The following PGS1 variants were observed in gnomAD, a reference collection of about 807,000 sequenced individuals.
The protein encoded by PGS1 is CDP-diacylglycerol--glycerol-3-phosphate 3-phosphatidyltransferase, mitochondrial.
Under a neutral mutation model 58.3 loss-of-function variants are expected in PGS1, and 44 were observed. That is an observed-to-expected ratio of 0.75 (90% CI 0.59 to 0.97). The LOEUF is 0.97. Among genes scored for constraint, PGS1 ranks in the 50% least tolerant of loss-of-function variants. The pLI, the probability that PGS1 is intolerant of heterozygous loss-of-function variation, is 0.00. For missense variants in PGS1, 684 were observed against 731.1 expected (o/e 0.94, Z 0.74); for synonymous variants, 330 against 311.0 (o/e 1.06, Z -0.64).
intron 9 of PGS1, among the ~76,000 whole-genome samples, chr17:78,422,344 C>T (rs1426315833): frequency 1.3e-5 from 2 of 152,158 alleles, no homozygotes; most frequent in African/African-American, 4.8e-5. Context: ...GATAGCCCTA[C>T]TGGGCGCTAA....
Position 78,415,034 on chromosome 17 carries a change from C to G in PGS1, c.1551+7C>G. ...GCAGCAGCAGCTTCACCAGGTTGGT[C>G]GCAGCAAGTGGGATTTCCCAGGGCG... On this transcript the variant is annotated splice_region_variant and intron_variant, in intron 8 of 9. Coordinates refer to ENST00000262764, the MANE Select transcript of PGS1 (RefSeq NM_024419.5). 1.9e-6 allele frequency: 3 copies of G among 1,611,440 alleles called. No homozygotes were observed. The highest frequency in any genetic ancestry group is 1.3e-5 in the African/African-American group (1 of 74,824).
intron 7 of PGS1, among the ~76,000 whole-genome samples, chr17:78,410,462 CTTTTTTTTTTTTTT>C (rs572547320): frequency 4.6e-4 from 34 of 73,528 alleles, no homozygotes; most frequent in African/African-American, 1.8e-3. Context: ...AACTTCAGAG[CTTTTTTTTTTTTTT>C]TTTTTTTTTT....
At chr17:78,397,341 CAG>C (rs976953736) in intron 3 of PGS1, among the ~76,000 whole-genome samples, 33 of 152,182 alleles carry the variant, frequency 2.2e-4, no homozygotes, top group African/African-American at 7.7e-4. Flanking sequence ...TGTCCTTGTT[CAG>C]AGTTACTGGT....
intron 7 of PGS1, among the ~76,000 whole-genome samples, chr17:78,410,780 T>C (rs2146286354): frequency 6.6e-6 from 1 of 152,168 alleles, no homozygotes; most frequent in South Asian, 2.1e-4. Context: ...CCGTCAGAGC[T>C]TTTTTTACAC....
chr17:78,397,704 G>A (rs561824644), intron 3 of PGS1, among the ~76,000 whole-genome samples: 1 of 152,192 alleles, frequency 6.6e-6, no homozygotes, highest in Non-Finnish European at 1.5e-5. Context: ...CAAAGTGCTG[G>A]GATTAGAGGC....
intron 2 of PGS1, 78 bp from the exon 3 acceptor site, chr17:78,396,230 C>T: frequency 9.1e-7 from 1 of 1,093,388 alleles, no homozygotes; most frequent in Admixed American, 1.8e-5. Context: ...GGATTTGCCT[C>T]CCAGGTCAAA....
chr17:78,388,720 A>G (rs1390518315), intron 1 of PGS1, among the ~76,000 whole-genome samples: 1 of 152,020 alleles, frequency 6.6e-6, no homozygotes, highest in Non-Finnish European at 1.5e-5. Context: ...TTTGAATCCT[A>G]CCAGCTTTTT....
In PGS1 at chr17:78,424,020, G is replaced by A. The variant is rs533842240; in HGVS notation, c.*11-41G>A. 100 of 1,614,016 alleles carry A rather than the reference G, an allele frequency of 6.2e-5. No individual in the cohort carries two copies. Among genetic ancestry groups the A allele is most frequent in the East Asian group, 2.5e-4 (11 of 44,890 alleles). On this transcript the variant is annotated intron_variant, in intron 9 of 9. Transcript: ENST00000262764. Reference sequence around the variant, plus strand: ...GGCCGCGGATGCGTGTTTTGTACACGGGACACTCATAGATGTTCTTGGTCT... The same window carrying A: ...GGCCGCGGATGCGTGTTTTGTACACAGGACACTCATAGATGTTCTTGGTCT...
At chr17:78,395,298 C>G (rs2083147185) in intron 2 of PGS1, among the ~76,000 whole-genome samples, 1 of 152,182 alleles carries the variant, frequency 6.6e-6, no homozygotes, top group Non-Finnish European at 1.5e-5. Flanking sequence ...CCACAAACAT[C>G]TGTTTTAATT....
chr17:78,413,558 C>T (rs765039326), intron 7 of PGS1, among the ~76,000 whole-genome samples: 7 of 152,142 alleles, frequency 4.6e-5, no homozygotes, highest in Non-Finnish European at 1.0e-4. Flanking sequence ...CTCCCTCACA[C>T]CTGCTCACTC....
intron 1 of PGS1, 105 bp downstream of exon 1, chr17:78,378,913 C>G (rs2081830057): frequency 8.1e-7 from 1 of 1,227,766 alleles, no homozygotes; most frequent in South Asian, 1.9e-5. Flanking sequence ...CAGCGAGTCC[C>G]TCCCCGGTTT....
In PGS1 at chr17:78,400,956, T is replaced by G; in HGVS notation, c.880+101T>G. Reference sequence around the variant, plus strand: ...TGGTTCTGCCACAGGCATAGGGGACTTGGGTGGCAAGGCTTCATTCTGCTT... The same window carrying G: ...TGGTTCTGCCACAGGCATAGGGGACGTGGGTGGCAAGGCTTCATTCTGCTT... On this transcript the variant is annotated intron_variant, in intron 6 of 9. Coordinates refer to ENST00000262764, the MANE Select transcript of PGS1 (RefSeq NM_024419.5). This position sits in a 1 kb window ranked among gnomAD's most constrained non-coding sequence, Gnocchi z 4.4. 1 of 1,017,632 alleles carries G rather than the reference T, an allele frequency of 9.8e-7. No homozygotes were observed. The allele number at this position is 1,017,632 out of a possible 1,614,324, so 63.0% of individuals were successfully genotyped here.
At chr17:78,418,559 G>T (rs891115339) in intron 8 of PGS1, among the ~76,000 whole-genome samples, 1 of 152,102 alleles carries the variant, frequency 6.6e-6, no homozygotes, top group Non-Finnish European at 1.5e-5. Context: ...GTGAATGCTG[G>T]TTTGTCATAT....
At chr17:78,419,134 A>G (rs72921265) in intron 8 of PGS1, among the ~76,000 whole-genome samples, 24,634 of 151,890 alleles carry the variant, frequency 0.16, 2,127 homozygotes, top group Middle Eastern at 0.2. Context: ...CAGCCTCCCA[A>G]GTTGCTGGGG....
intron 9 of PGS1, among the ~76,000 whole-genome samples, chr17:78,422,433 A>G (rs1201614285): frequency 7.8e-6 from 1 of 127,598 alleles, no homozygotes; most frequent in East Asian, 2.0e-4. Context: ...GTAAACTTGG[A>G]AAAATGTTTT....
Position 78,378,693 on chromosome 17 carries a change from G to A in PGS1, c.28G>A (p.Gly10Arg). MAVAAAAAA[G>R]PVFWRRLLGL... Reference sequence around the variant, plus strand: ...GGCGGTGGCGGCGGCAGCTGCGGCGGGACCCGTGTTCTGGAGGCGACTGCT... The same window carrying A: ...GGCGGTGGCGGCGGCAGCTGCGGCGAGACCCGTGTTCTGGAGGCGACTGCT... Residue 10 changes from glycine (G) to arginine (R), a missense_variant, in exon 1 of 10, where the codon GGA (glycine) becomes AGA (arginine). Transcript: ENST00000262764. 2 of 1,526,338 alleles carry A rather than the reference G, an allele frequency of 1.3e-6. No homozygotes were observed. The highest frequency in any genetic ancestry group is 1.7e-6 in the Non-Finnish European group (2 of 1,143,414). The allele number at this position is 1,526,338 out of a possible 1,614,324, so 94.5% of individuals were successfully genotyped here.
intron 7 of PGS1, among the ~76,000 whole-genome samples, chr17:78,406,041 GCGCGGTGGCTCA>G (rs68047926): frequency 0.14 from 21,781 of 152,186 alleles, 2,135 homozygotes; most frequent in Non-Finnish European, 0.22. Context: ...AGCCGGCCAG[GCGCGGTGGCTCA>G]CGCCTGTAAT....
At position 78,424,476 on chromosome 17, in the gene PGS1, C is replaced by G. The variant is rs1210699068; in HGVS notation, c.*426C>G. On this transcript the variant is annotated 3_prime_UTR_variant, in exon 10 of 10. Coordinates refer to ENST00000262764, the MANE Select transcript of PGS1 (RefSeq NM_024419.5). ...AAGTCATAACTCCAGCTAAAAATTA[C>G]AGAGTAAAGTTCCCTGATTCTTAAT... 1 of 323,240 alleles carries G rather than the reference C, an allele frequency of 3.1e-6. No homozygotes were observed. Among genetic ancestry groups the G allele is most frequent in the African/African-American group, 2.1e-5 (1 of 48,456 alleles). The allele number at this position is 323,240 out of a possible 1,614,324, so 20.0% of individuals were successfully genotyped here.
At chr17:78,419,101 C>A (rs996013478) in intron 8 of PGS1, among the ~76,000 whole-genome samples, 1 of 152,050 alleles carries the variant, frequency 6.6e-6, no homozygotes. Context: ...TTTGACCTCC[C>A]GGGCTGAAAC....
Sources: gnomAD v4.1 joint callset for allele counts (sites outside exome capture counted in the v4.1 genomes callset) on GRCh38, gnomAD v4.1.1 for gene constraint, Gnocchi (gnomAD v3.1) non-coding constraint, MANE v1.5 for transcripts, NCBI Gene and HGNC (gene_info 2026-07-23, HGNC 2026-07-21) for gene names.